The following USP54 variants were observed in gnomAD, a reference collection of about 807,000 sequenced individuals.
USP54 encodes ubiquitin carboxyl-terminal hydrolase 54.
Under a neutral mutation model 170.5 loss-of-function variants are expected in USP54, and 87 were observed. That is an observed-to-expected ratio of 0.51 (90% CI 0.43 to 0.61). The LOEUF is 0.61. USP54 is among the 20% of genes least tolerant of loss of function. The pLI, the probability that USP54 is intolerant of heterozygous loss-of-function variation, is 0.00. For synonymous variants in USP54, 655 were observed against 742.8 expected, an observed-to-expected ratio of 0.88 and a Z score of 1.92; for missense variants, 1,786 against 2,047.8, an observed-to-expected ratio of 0.87 and a Z score of 2.47.
In USP54 at chr10:73,530,272, T is replaced by A; in HGVS notation, c.1699A>T (p.Ser567Cys). Residue 567 changes from serine to cysteine, a missense_variant, in exon 14 of 24, where the codon AGT becomes TGT. Transcript: ENST00000687698. The stretch of plus-strand genomic sequence containing the variant: ...GTGGGACGATACTTGCTGGAAGAAC[T>A]GGATTTTGACTCACTGCTGGTACTC... ...IESTSSESKS[S>C]SSSKYRPTWR... 1.2e-6 allele frequency: 2 copies of A among 1,614,184 alleles called. No homozygotes were observed. Among genetic ancestry groups the A allele is most frequent in the Non-Finnish European group, 1.7e-6 (2 of 1,180,034 alleles).
chr10:73,537,128 T>G (rs555371599), intron 10 of USP54, among the ~76,000 whole-genome samples: 3 of 152,296 alleles, frequency 2.0e-5, no homozygotes, highest in Non-Finnish European at 2.9e-5. Context: ...GTGCTGCTCT[T>G]GGGGTTAGAC....
At chr10:73,582,677 G>A (rs531658201) in intron 1 of USP54, among the ~76,000 whole-genome samples, 1 of 152,312 alleles carries the variant, frequency 6.6e-6, no homozygotes, top group South Asian at 2.1e-4. Flanking sequence ...CGGTGGCACA[G>A]GCGTGAACCA....
chr10:73,619,221 C>T (rs2080892204), intron 1 of USP54, among the ~76,000 whole-genome samples: 1 of 150,168 alleles, frequency 6.7e-6, no homozygotes, highest in African/African-American at 2.5e-5. Flanking sequence ...AACAAAACTG[C>T]ATGTATTTCT....
At chr10:73,509,269 T>C (rs2059811376) in intron 20 of USP54, among the ~76,000 whole-genome samples, 1 of 151,562 alleles carries the variant, frequency 6.6e-6, no homozygotes, top group Non-Finnish European at 1.5e-5. Flanking sequence ...AGATTATTGT[T>C]AATTTTTTAG....
chr10:73,617,846 G>C (rs1228267456), intron 1 of USP54, among the ~76,000 whole-genome samples: 1 of 149,896 alleles, frequency 6.7e-6, no homozygotes, highest in African/African-American at 2.5e-5. Flanking sequence ...GGAGGCAAAA[G>C]CTGCAGTAAG....
chr10:73,529,877 T>A lies in USP54; in HGVS notation c.1863A>T (p.Pro621=). The A allele has an allele frequency of 6.5e-7, 1 of 1,546,112 alleles. No individual in the cohort carries two copies. The highest frequency in any genetic ancestry group is 1.2e-5 in the South Asian group (1 of 80,138). The change falls in exon 15 of 24, where the codon CCA becomes CCT. Residue 621 remains proline (P), a synonymous_variant. Coordinates refer to ENST00000687698, the MANE Select transcript of USP54 (RefSeq NM_001391956.1). ...KEFIPDEPSK[P]PSYDIKFGGP... ...CACCAAATTTAATGTCGTAAGAAGG[T>A]GGCTTGCTTGGTTCATCTGGTATAA... is the stretch of plus-strand genomic sequence containing the variant.
intron 1 of USP54, among the ~76,000 whole-genome samples, chr10:73,610,539 G>A (rs920769550): frequency 2.0e-5 from 3 of 151,906 alleles, no homozygotes; most frequent in Admixed American, 2.0e-4. Flanking sequence ...TGGGAGAATC[G>A]CTTGAACCCA....
At chr10:73,624,173 TATATATATA>T (rs1564974630) in intron 1 of USP54, among the ~76,000 whole-genome samples, 8 of 112,662 alleles carry the variant, frequency 7.1e-5, no homozygotes, top group South Asian at 7.0e-4. Flanking sequence ...TATATATATA[TATATATATA>T]TATATATATA....
chr10:73,513,115 T>C (rs2060475530), intron 20 of USP54: 1 of 152,214 alleles, frequency 6.6e-6, no homozygotes, highest in Non-Finnish European at 1.5e-5. Flanking sequence ...CGTGACCACT[T>C]AAGTGCAAAG....
intron 15 of USP54, among the ~76,000 whole-genome samples, chr10:73,527,453 G>A (rs2063100030): frequency 6.8e-6 from 1 of 146,384 alleles, no homozygotes; most frequent in South Asian, 2.2e-4. Context: ...AGCCGAGATC[G>A]TGCCATTGCA....
At chr10:73,561,684 TA>T (rs2073097452) in intron 4 of USP54, among the ~76,000 whole-genome samples, 1 of 152,004 alleles carries the variant, frequency 6.6e-6, no homozygotes, top group African/African-American at 2.4e-5. Context: ...AATATAAAAT[TA>T]AGTTTTAAAA....
At chr10:73,579,263 G>A (rs956221941) in intron 1 of USP54, among the ~76,000 whole-genome samples, 3 of 151,906 alleles carry the variant, frequency 2.0e-5, no homozygotes, top group Non-Finnish European at 2.9e-5. Context: ...AGATTCCTTA[G>A]ATACAACAAA....
chr10:73,603,696 C>A (rs982000251), intron 1 of USP54, among the ~76,000 whole-genome samples: 1 of 150,432 alleles, frequency 6.6e-6, no homozygotes, highest in African/African-American at 2.5e-5. Flanking sequence ...GGCAGTGAGC[C>A]GAGATCACAC....
Position 73,529,731 on chromosome 10 carries a change from C to A in USP54, c.2009G>T (p.Ser670Ile). 6.2e-7 allele frequency: 1 copy of A among 1,613,994 alleles called. No individual in the cohort carries two copies. Among genetic ancestry groups the A allele is most frequent in the Non-Finnish European group, 8.5e-7 (1 of 1,179,860 alleles). The stretch of plus-strand genomic sequence containing the variant: ...GGCTGCATCCAGGCTGACAGGGCTG[C>A]TGCTGTTCCTCTCACTGCTTTCATA... ...SGYESSERNS[S>I]SPVSLDAALP... The change falls in exon 15 of 24, where the codon AGC (serine) becomes ATC (isoleucine). Residue 670 changes from serine to isoleucine, a missense_variant. Physicochemically the swap from Ser to Ile is moderately radical, Grantham distance 142. Transcript: ENST00000687698.
chr10:73,554,953 A>G (rs968593909), intron 4 of USP54, among the ~76,000 whole-genome samples: 2 of 152,196 alleles, frequency 1.3e-5, no homozygotes, highest in African/African-American at 4.8e-5. Flanking sequence ...ACAAAAAAAA[A>G]TTAACTGGGT....
chr10:73,516,531 T>A lies in USP54; in HGVS notation c.3895A>T (p.Arg1299Ter), dbSNP rs749076298. 1 of 1,614,178 alleles carries A rather than the reference T, an allele frequency of 6.2e-7. No individual in the cohort carries two copies. Among genetic ancestry groups the A allele is most frequent in the Admixed American group, 1.7e-5 (1 of 60,022 alleles). Reference protein sequence around the residue: ...DSHTCVTYPERNHILLHPHWN... With the variant: ...DSHTCVTYPE ...TGTGGATGCAAAAGGATGTGATTTC[T>A]CTCTGGATAGGTTACACACGTATGG... is the stretch of plus-strand genomic sequence containing the variant. The change falls in exon 20 of 24, where the codon AGA becomes TGA. Residue 1299 changes from arginine to a stop codon, truncating the protein, a stop_gained. Coordinates refer to ENST00000687698, the MANE Select transcript of USP54 (RefSeq NM_001391956.1). LOFTEE classifies it high-confidence loss of function.
intron 16 of USP54, 130 bp from the exon 17 acceptor site, chr10:73,523,880 T>TTTATTATTA (rs938693499): frequency 2.5e-5 from 4 of 161,020 alleles, no homozygotes; most frequent in Non-Finnish European, 2.5e-5. Context: ...TTATTTATTA[T>TTTATTATTA]TTATTATTAT....
At chr10:73,530,646 T>A in intron 13 of USP54, 58 bp downstream of exon 13, 1 of 1,604,320 alleles carries the variant, frequency 6.2e-7, no homozygotes, top group Non-Finnish European at 8.5e-7. Flanking sequence ...GTCTGGAGCA[T>A]GACAGAAGTT....
intron 4 of USP54, among the ~76,000 whole-genome samples, chr10:73,548,451 T>G (rs2133582784): frequency 6.6e-6 from 1 of 152,276 alleles, no homozygotes; most frequent in East Asian, 1.9e-4. Flanking sequence ...TGCAGCACTA[T>G]TCACAATAGC....
Sources: gnomAD v4.1 joint callset for allele counts (sites outside exome capture counted in the v4.1 genomes callset) on GRCh38, gnomAD v4.1.1 for gene constraint, MANE v1.5 for transcripts, NCBI Gene and HGNC (gene_info 2026-07-23, HGNC 2026-07-21) for gene names.